PKD1: variants seen among roughly 807,000 people sequenced by gnomAD.
PKD1 encodes polycystin 1, transient receptor potential channel interacting.
PKD1 carries 81 observed loss-of-function variants against 361.7 expected under a neutral mutation model. The observed-to-expected ratio is 0.22, with a 90% CI of 0.19 to 0.27. PKD1 has a LOEUF of 0.27. Ranked by LOEUF, PKD1 falls within the 10% of genes least tolerant of loss-of-function variation. PKD1 has a pLI of 1.00. For missense variants in PKD1, 6,399 were observed against 6,118.3 expected, an observed-to-expected ratio of 1.05 and a Z score of -1.53; for synonymous variants, 3,615 against 2,818.3, an observed-to-expected ratio of 1.28 and a Z score of -8.95.
At position 2,094,215 on chromosome 16, in the gene PKD1, G is replaced by C. The variant is rs2091742779; in HGVS notation, c.10500-5C>G. 2 of 1,552,532 alleles carry C rather than the reference G, an allele frequency of 1.3e-6. No individual in the cohort carries two copies. The highest frequency in any genetic ancestry group is 3.4e-5 in the Admixed American group (2 of 59,700). ...TTCTCCCCAGGAGTGCTGGACCTGA[G>C]GGACATGGTAGGCTGTGAATTCATC... On this transcript the variant is annotated splice_region_variant and splice_polypyrimidine_tract_variant and intron_variant, in intron 34 of 45. Transcript: ENST00000262304.
intron 1 of PKD1, among the ~76,000 whole-genome samples, chr16:2,128,414 C>T (rs977181826): frequency 1.1e-4 from 17 of 151,008 alleles, no homozygotes; most frequent in Admixed American, 2.0e-4. Context: ...TCGGGGAGTG[C>T]AAGCACATCG....
Position 2,108,943 on chromosome 16 carries a change from C to A in PKD1, c.6224G>T (p.Arg2075Leu). Reference protein sequence around the residue: ...ALQSGPCFTNRSAQFEAATSP... With the variant: ...ALQSGPCFTNLSAQFEAATSP... Reference sequence around the variant, plus strand: ...GGTGGCGGCCTCAAACTGCGCCGAGCGGTTGGTGAAGCAGGGGCCGCTCTG... The same window carrying A: ...GGTGGCGGCCTCAAACTGCGCCGAGAGGTTGGTGAAGCAGGGGCCGCTCTG... Residue 2075 changes from arginine (R) to leucine (L), a missense_variant, in exon 15 of 46, where the codon CGC becomes CTC. Transcript: ENST00000262304. 2.5e-6 allele frequency: 4 copies of A among 1,605,038 alleles called. No homozygotes were observed. Among genetic ancestry groups the A allele is most frequent in the Non-Finnish European group, 3.4e-6 (4 of 1,177,340 alleles).
rs777690708 is a variant in PKD1, at chr16:2,117,061, C to T, written c.1386-8G>A. 4.7e-5 allele frequency: 71 copies of T among 1,525,114 alleles called. No individual in the cohort carries two copies. The Admixed American group carries it at 7.3e-4, about 16-fold the overall frequency. 94.5% of individuals were successfully genotyped at this position (1,525,114 alleles called of 1,614,324 possible). ...ATCCACACGTCTAGGCTCCTGGGGG[C>T]GGGTGTGGGATGGCAGGGGGCTCAG... On this transcript the variant is annotated splice_region_variant and splice_polypyrimidine_tract_variant and intron_variant, in intron 6 of 45. Transcript: ENST00000262304.
chr16:2,109,627 T>C lies in PKD1; in HGVS notation c.5540A>G (p.Lys1847Arg). The change falls in exon 15 of 46, where the codon AAG becomes AGG. Residue 1847 changes from lysine to arginine, a missense_variant. Transcript: ENST00000262304. ...WCWAVPGGSS[K>R]RGPHVTMVFP... ...GACCATGGTGACATGAGGGCCACGC[T>C]TGCTGCTGCCGCCGGGCACAGCCCA... The C allele has an allele frequency of 1.9e-6, 3 of 1,606,322 alleles. No homozygotes were observed. Among genetic ancestry groups the C allele is most frequent in the Non-Finnish European group, 2.5e-6 (3 of 1,177,236 alleles).
Position 2,100,188 on chromosome 16 carries a change from C to T in PKD1, c.9690G>A (p.Val3230=), listed in dbSNP as rs777968856. Residue 3230 remains valine, a synonymous_variant, in exon 28 of 46, where the codon GTG becomes GTA. Transcript: ENST00000262304. This position sits in a 1 kb window ranked among gnomAD's most constrained non-coding sequence, Gnocchi z 4.4. ...TACTCGCGGCCAGCACCTCCTTCTC[C>T]ACCAGGCCCCCGTTGGCCTCCGTCT... ...SVETEANGGL[V]EKEVLAASDA... The T allele has an allele frequency of 9.9e-6, 16 of 1,609,724 alleles. No homozygotes were observed. Among genetic ancestry groups the T allele is most frequent in the Non-Finnish European group, 1.2e-5 (14 of 1,179,022 alleles).
At chr16:2,125,999 G>A (rs544920358) in intron 1 of PKD1, among the ~76,000 whole-genome samples, 124 of 144,972 alleles carry the variant, frequency 8.6e-4, no homozygotes, top group Middle Eastern at 3.5e-3. Context: ...GTAGGAAGAG[G>A]ATGGTGGGGG....
At position 2,110,630 on chromosome 16, in the gene PKD1, C is replaced by T. The variant is rs2092477548; in HGVS notation, c.4537G>A (p.Val1513Ile). The change falls in exon 15 of 46, where the codon GTC becomes ATC. Residue 1513 changes from valine (V) to isoleucine (I), a missense_variant. Val to Ile is a conservative substitution (Grantham distance 29). Transcript: ENST00000262304. Reference sequence around the variant, plus strand: ...CCTGTGCTGTTGTAAGCGTGGGTGACCTCCGGACCCTCGAGCCACCCACCG... The same window carrying T: ...CCTGTGCTGTTGTAAGCGTGGGTGATCTCCGGACCCTCGAGCCACCCACCG... ...GDGGWLEGPEVTHAYNSTGDF... is the reference protein window; with the variant it reads ...GDGGWLEGPEITHAYNSTGDF... 2 of 1,610,006 alleles carry T rather than the reference C, an allele frequency of 1.2e-6. No individual in the cohort carries two copies. The highest frequency in any genetic ancestry group is 8.5e-7 in the Non-Finnish European group (1 of 1,179,380).
rs138672759 is a variant in PKD1 at position 2,108,836 on chromosome 16, C to T, written c.6331G>A (p.Glu2111Lys). ...PGQDTDEPRA[E>K]HSYLRPGDYR... ...TCCCCAGGCCTCAGGTAGGAGTGCT[C>T]GGCCCTGGGCTCATCTGTGTCCTGC... is the stretch of plus-strand genomic sequence containing the variant. The change falls in exon 15 of 46, where the codon GAG becomes AAG. Residue 2111 changes from glutamate to lysine, a missense_variant. Physicochemically the swap from Glu to Lys is moderately conservative, Grantham distance 56. Coordinates refer to ENST00000262304, the MANE Select transcript of PKD1 (RefSeq NM_001009944.3). The T allele has an allele frequency of 2.8e-4, 446 of 1,570,580 alleles. 2 individuals are homozygous for T. The East Asian group carries it at 8.0e-3, about 28-fold the overall frequency.
At chr16:2,128,661 G>A (rs1178986797) in intron 1 of PKD1, among the ~76,000 whole-genome samples, 1 of 152,186 alleles carries the variant, frequency 6.6e-6, no homozygotes, top group East Asian at 1.9e-4. Context: ...AGGGCTCAGC[G>A]CGGAGCCCGG....
intron 1 of PKD1, among the ~76,000 whole-genome samples, chr16:2,129,160 CTGTT>C (rs1167901024): frequency 1.3e-5 from 2 of 149,666 alleles, no homozygotes; most frequent in African/African-American, 2.5e-5. Context: ...CGCGCCCACC[CTGTT>C]TTTTTTTTTT....
At position 2,103,874 on chromosome 16, in the gene PKD1, C is replaced by T. The variant is rs773274334; in HGVS notation, c.8183G>A (p.Ser2728Asn). The change falls in exon 23 of 46, where the codon AGC becomes AAC. Residue 2728 changes from serine to asparagine, a missense_variant. Coordinates refer to ENST00000262304, the MANE Select transcript of PKD1 (RefSeq NM_001009944.3). ...NITGDLIHLA[S>N]SDVRAPQPSE... ...GGGCTGTGGTGCCCGCACGTCCGAG[C>T]TGGCCAGGTGGATGAGGTCTCCTGC... The T allele has an allele frequency of 1.3e-6, 2 of 1,553,910 alleles. No homozygotes were observed. The highest frequency in any genetic ancestry group is 1.7e-6 in the Non-Finnish European group (2 of 1,149,156).
At chr16:2,092,769 C>A in intron 38 of PKD1, 177 bp from the exon 39 acceptor site, 1 of 842,276 alleles carries the variant, frequency 1.2e-6, no homozygotes, top group Non-Finnish European at 2.0e-6. Flanking sequence ...GTCATGGGCC[C>A]GTCCTGTGCA....
At chr16:2,121,928 G>A (rs2092727260) in intron 1 of PKD1, among the ~76,000 whole-genome samples, 1 of 152,222 alleles carries the variant, frequency 6.6e-6, no homozygotes, top group African/African-American at 2.4e-5. Flanking sequence ...CCCCAAGCCG[G>A]GGCGGCCTCC....
chr16:2,102,324 G>C, intron 25 of PKD1, 57 bp downstream of exon 25: 2 of 1,510,802 alleles, frequency 1.3e-6, no homozygotes, highest in Non-Finnish European at 1.8e-6. Flanking sequence ...ATAGAGCCGA[G>C]CCCACCCAGG....
chr16:2,093,024 C>T lies in PKD1; in HGVS notation c.11086G>A (p.Gly3696Arg). The T allele has an allele frequency of 1.9e-6, 3 of 1,612,916 alleles. No individual in the cohort carries two copies. The highest frequency in any genetic ancestry group is 2.5e-6 in the Non-Finnish European group (3 of 1,179,954). Residue 3696 changes from glycine to arginine, a missense_variant, in exon 38 of 46, where the codon GGG (glycine) becomes AGG (arginine). Coordinates refer to ENST00000262304, the MANE Select transcript of PKD1 (RefSeq NM_001009944.3). Reference protein sequence around the residue: ...LASYGDASCHGHAYRLQSAIK... With the variant: ...LASYGDASCHRHAYRLQSAIK... ...GCGCTTTGCAGACGGTAGGCGTGCC[C>T]ATGGCATGAGGCATCCCCATAGCTG...
chr16:2,119,709 C>G, intron 1 of PKD1: 1 of 604,552 alleles, frequency 1.7e-6, no homozygotes. Context: ...ATCCCCTGTC[C>G]ACAGTCCCCC....
chr16:2,091,087 C>A lies in PKD1; in HGVS notation c.11800G>T (p.Gly3934Ter). The A allele has an allele frequency of 6.6e-7, 1 of 1,506,240 alleles. No individual in the cohort carries two copies. The highest frequency in any genetic ancestry group is 8.8e-7 in the Non-Finnish European group (1 of 1,132,928). 93.3% of individuals were successfully genotyped at this position (1,506,240 alleles called of 1,614,324 possible). The change falls in exon 43 of 46, where the codon GGA (glycine) becomes TGA (stop). Residue 3934 changes from glycine to a stop codon, truncating the protein, a stop_gained. Transcript: ENST00000262304. LOFTEE classifies it high-confidence loss of function. ...REGRWRVLRL[G>*]AWARWLLVAL... ...ACCAGCAGCCACCGCGCCCAGGCTC[C>A]GAGCCGCAGCACGCGCCAGCGCCCT...
In PKD1 at chr16:2,105,521, C is replaced by T. The variant is rs1308840097; in HGVS notation, c.7864-47G>A. On this transcript the variant is annotated intron_variant, in intron 20 of 45. Transcript: ENST00000262304. ...GCAAGCTGTCAGCAGCGCAGGAGGC[C>T]GGCAGGAGGCCAGCAGATGCCCACG... 32 of 1,594,730 alleles carry T rather than the reference C, an allele frequency of 2.0e-5. No individual in the cohort carries two copies. The East Asian group carries it at 3.1e-4, about 16-fold the overall frequency.
chr16:2,112,531 C>A (rs1683140230), intron 13 of PKD1, 58 bp from the exon 14 acceptor site: 4 of 1,495,222 alleles, frequency 2.7e-6, no homozygotes, highest in Admixed American at 3.8e-5. Context: ...GGTGGCGGGG[C>A]AGGGGGTGCT....
Sources: gnomAD v4.1 joint callset for allele counts (sites outside exome capture counted in the v4.1 genomes callset) on GRCh38, gnomAD v4.1.1 for gene constraint, Gnocchi (gnomAD v3.1) non-coding constraint, MANE v1.5 for transcripts, NCBI Gene and HGNC (gene_info 2026-07-23, HGNC 2026-07-21) for gene names.